Variants in POLR1C observed in about 807,000 individuals in gnomAD.
POLR1C encodes the protein DNA-directed RNA polymerases I and III subunit RPAC1.
POLR1C carries 42 observed loss-of-function variants against 38.3 expected under a neutral mutation model. The ratio of observed to expected loss-of-function variants is 1.10; its 90% CI spans 0.86 to 1.42. The LOEUF (loss-of-function observed/expected upper bound fraction) is 1.42. Among genes scored for constraint, POLR1C ranks in the 40% most tolerant of loss-of-function variants. The probability of loss-of-function intolerance (pLI) is 0.00; values close to 1 mark genes in which losing one functional copy is unlikely to be tolerated. For missense variants in POLR1C, 507 were observed against 450.5 expected (o/e 1.13, Z -1.14); for synonymous variants, 163 against 163.9 (o/e 0.99, Z 0.04).
chr6:43,548,744 ATATC>A (rs769102622), intron 9 of POLR1C, among the ~76,000 whole-genome samples: 127 of 150,830 alleles, frequency 8.4e-4, no homozygotes, highest in Non-Finnish European at 1.7e-3. Context: ...ATATATATGT[ATATC>A]TATATATATA....
chr6:43,555,784 T>G, intron 10 of POLR1C: 9 of 1,608,956 alleles, frequency 5.6e-6, no homozygotes, highest in Non-Finnish European at 7.6e-6. Context: ...CTATATATAG[T>G]TTTGATACTG....
downstream of POLR1C, chr6:43,531,363 C>T (rs1317866506): frequency 1.1e-6 from 1 of 897,582 alleles, no homozygotes; most frequent in African/African-American, 1.7e-5. Flanking sequence ...GATAAGTTTC[C>T]TATCAAACTC....
At chr6:43,529,071 A>C in intron 8 of POLR1C, 1 of 1,108,110 alleles carries the variant, frequency 9.0e-7, no homozygotes, top group South Asian at 1.5e-5. Flanking sequence ...AAAATCTTAA[A>C]GTTCTTTTCC....
At chr6:43,531,729 C>T (rs1303362277), downstream of POLR1C, among the ~76,000 whole-genome samples, 2 of 152,064 alleles carry the variant, frequency 1.3e-5, no homozygotes, top group African/African-American at 4.8e-5. Context: ...TTGCTGCACT[C>T]TTTTGGTAGG....
intron 8 of POLR1C, chr6:43,528,745 A>C: frequency 7.7e-7 from 1 of 1,306,778 alleles, no homozygotes; most frequent in Non-Finnish European, 1.1e-6. Flanking sequence ...CAACACTTCT[A>C]GGAGCTCCTG....
At chr6:43,558,731 C>T (rs1244755558) in intron 10 of POLR1C, 15 of 615,264 alleles carry the variant, frequency 2.4e-5, no homozygotes, top group Non-Finnish European at 3.8e-5. Context: ...ATATCCACTT[C>T]AGTTCTATCA....
At chr6:43,561,515 A>G (rs1311667070) in exon 11 of POLR1C, 1 of 154,234 alleles carries the variant, frequency 6.5e-6, no homozygotes, top group East Asian at 1.9e-4. Context: ...AGTAGCTGGG[A>G]TAACAGGCAT....
intron 8 of POLR1C, chr6:43,528,816 C>CTTA: frequency 6.2e-7 from 1 of 1,612,538 alleles, no homozygotes; most frequent in Non-Finnish European, 8.5e-7. Flanking sequence ...CTGTTCCTGA[C>CTTA]TTATCTCTTA....
rs780007210 is a variant in POLR1C, at chr6:43,551,331, G to A, written c.*48+320G>A. 3.7e-6 allele frequency: 6 copies of A among 1,613,750 alleles called. No individual in the cohort carries two copies. The East Asian group carries it at 6.7e-5, about 18-fold the overall frequency. ...AGACCTGGGGCAGGAACTCTGGTCTGTAGGTGACAAATGGAAAGAGTGCAG... is the reference window on the plus strand; with the variant it reads ...AGACCTGGGGCAGGAACTCTGGTCTATAGGTGACAAATGGAAAGAGTGCAG... On this transcript the variant is annotated intron_variant, in intron 10 of 10. Transcript: ENST00000607635.
intron 2 of POLR1C, among the ~76,000 whole-genome samples, chr6:43,517,885 T>C (rs2127687286): frequency 6.6e-6 from 1 of 152,364 alleles, no homozygotes; most frequent in South Asian, 2.1e-4. Context: ...TTTAAATAGA[T>C]TACTGAATGT....
At chr6:43,517,400 G>A (rs1388926664) in intron 2 of POLR1C, 23 bp downstream of exon 2, 1 of 1,609,572 alleles carries the variant, frequency 6.2e-7, no homozygotes, top group Non-Finnish European at 8.5e-7. Flanking sequence ...GGAGTTGTCT[G>A]GGGAGGGTTA....
chr6:43,539,554 A>G, intron 9 of POLR1C: 2 of 1,395,816 alleles, frequency 1.4e-6, no homozygotes, highest in Non-Finnish European at 2.0e-6. Flanking sequence ...TGCCTCCGCG[A>G]GCTCCGCGGC....
chr6:43,546,850 A>G, intron 9 of POLR1C: 1 of 1,159,574 alleles, frequency 8.6e-7, no homozygotes, highest in Non-Finnish European at 1.2e-6. Flanking sequence ...AAAGTGACAC[A>G]GAGGCCAGAG....
chr6:43,555,753 T>G, intron 10 of POLR1C: 1 of 1,555,734 alleles, frequency 6.4e-7, no homozygotes, highest in Non-Finnish European at 8.8e-7. Context: ...TTCTGATGTG[T>G]GTATAGCTCA....
At chr6:43,543,635 T>C (rs1254690895) in intron 9 of POLR1C, among the ~76,000 whole-genome samples, 2 of 152,158 alleles carry the variant, frequency 1.3e-5, no homozygotes, top group Non-Finnish European at 2.9e-5. Flanking sequence ...TAAGCCCTTT[T>C]CTACATAAAT....
At chr6:43,548,494 T>C in intron 9 of POLR1C, 1 of 1,473,884 alleles carries the variant, frequency 6.8e-7, no homozygotes, top group Non-Finnish European at 9.1e-7. Context: ...CCAGAGGTGG[T>C]AAAGGTCTGA....
chr6:43,561,983 C>A (rs1251064005), exon 11 of POLR1C: 2 of 293,258 alleles, frequency 6.8e-6, no homozygotes, highest in East Asian at 1.3e-4. Flanking sequence ...TACCAAAATT[C>A]ACAAGAAACC....
At chr6:43,535,367 A>G (rs1794251340) in intron 9 of POLR1C, among the ~76,000 whole-genome samples, 1 of 151,986 alleles carries the variant, frequency 6.6e-6, no homozygotes, top group South Asian at 2.1e-4. Flanking sequence ...AGGTGGGTGG[A>G]TCATCTGAGG....
chr6:43,560,101 G>A, intron 10 of POLR1C: 1 of 1,517,682 alleles, frequency 6.6e-7, no homozygotes, highest in Non-Finnish European at 8.9e-7. Context: ...TTATAGGCGT[G>A]AGCCACCGCA....
Sources: gnomAD v4.1 joint callset for allele counts (sites outside exome capture counted in the v4.1 genomes callset) on GRCh38, gnomAD v4.1.1 for gene constraint, MANE v1.5 for transcripts, NCBI Gene and HGNC (gene_info 2026-07-23, HGNC 2026-07-21) for gene names.